The following ETNK1 variants were observed in gnomAD, a reference collection of about 807,000 sequenced individuals.
ETNK1 encodes the protein ethanolamine kinase 1.
Under a neutral mutation model 45.1 loss-of-function variants are expected in ETNK1, and 8 were observed. The ratio of observed to expected loss-of-function variants is 0.18; its 90% confidence interval spans 0.10 to 0.32. The LOEUF (loss-of-function observed/expected upper bound fraction) is 0.32, where lower values mean the gene tolerates loss of function less well. ETNK1 is among the 10% of genes least tolerant of loss of function. The probability of loss-of-function intolerance (pLI) is 1.00; values close to 1 mark genes in which losing one functional copy is unlikely to be tolerated. For missense variants in ETNK1, 302 were observed against 430.6 expected, an observed-to-expected ratio of 0.70 and a Z score of 2.64; for synonymous variants, 152 against 151.9, an observed-to-expected ratio of 1.00 and a Z score of -0.01.
intron 1 of ETNK1, among the ~76,000 whole-genome samples, chr12:22,631,319 C>A (rs1041399767): frequency 6.6e-6 from 1 of 151,766 alleles, no homozygotes; most frequent in African/African-American, 2.4e-5. Flanking sequence ...GGATTACAGG[C>A]GCCTGCCACC....
intron 6 of ETNK1, among the ~76,000 whole-genome samples, chr12:22,683,875 A>G (rs931123642): frequency 1.3e-5 from 2 of 152,142 alleles, no homozygotes; most frequent in Non-Finnish European, 2.9e-5. Flanking sequence ...TTTAACTGAA[A>G]ATAGATTGTA....
intron 2 of ETNK1, among the ~76,000 whole-genome samples, chr12:22,657,816 G>T (rs1953960084): frequency 6.6e-6 from 1 of 152,066 alleles, no homozygotes; most frequent in Non-Finnish European, 1.5e-5. Context: ...TGAACTAAAA[G>T]TAAGAGTGAT....
chr12:22,641,842 A>G (rs972078712), intron 1 of ETNK1, among the ~76,000 whole-genome samples: 1 of 152,142 alleles, frequency 6.6e-6, no homozygotes, highest in Non-Finnish European at 1.5e-5. Flanking sequence ...GTTGTGCAAT[A>G]CAGAAAGTTA....
chr12:22,633,312 A>G (rs1489265612), intron 1 of ETNK1, among the ~76,000 whole-genome samples: 1 of 151,644 alleles, frequency 6.6e-6, no homozygotes, highest in African/African-American at 2.4e-5. Flanking sequence ...CAAGCAATCC[A>G]CCTGCCTTGG....
At chr12:22,631,797 A>C (rs1358691586) in intron 1 of ETNK1, among the ~76,000 whole-genome samples, 2 of 152,166 alleles carry the variant, frequency 1.3e-5, no homozygotes, top group African/African-American at 4.8e-5. Flanking sequence ...AAGTAGTAGA[A>C]GACCTTTAAG....
rs1407639254 is a variant in ETNK1, at chr12:22,625,485, G to A, written c.55G>A (p.Val19Ile). The A allele has an allele frequency of 1.2e-6, 2 of 1,605,296 alleles. No homozygotes were observed. The highest frequency in any genetic ancestry group is 1.1e-5 in the South Asian group (1 of 89,774). The change falls in exon 1 of 8, where the codon GTC (valine) becomes ATC (isoleucine). Residue 19 changes from valine (V) to isoleucine (I), a missense_variant. Coordinates refer to ENST00000266517, the MANE Select transcript of ETNK1 (RefSeq NM_018638.5). Reference protein sequence around the residue: ...PGSPEVPKLNVTVQDQEEHRC... With the variant: ...PGSPEVPKLNITVQDQEEHRC... ...CTCCCCGGAGGTGCCCAAGCTGAAC[G>A]TCACCGTTCAGGATCAGGAGGAGCA... is the stretch of plus-strand genomic sequence containing the variant.
At chr12:22,663,551 A>C (rs1410984924) in intron 4 of ETNK1, among the ~76,000 whole-genome samples, 1 of 150,778 alleles carries the variant, frequency 6.6e-6, no homozygotes, top group Non-Finnish European at 1.5e-5. Context: ...TTTTTTATTT[A>C]AGTGGTCACT....
intron 1 of ETNK1, among the ~76,000 whole-genome samples, chr12:22,643,253 T>A (rs1351476776): frequency 6.6e-6 from 1 of 152,122 alleles, no homozygotes; most frequent in Non-Finnish European, 1.5e-5. Context: ...ATTATATTTG[T>A]ATATTTATTA....
Position 22,673,562 on chromosome 12 carries a change from G to A in ETNK1, c.847G>A (p.Ala283Thr). The change falls in exon 6 of 8, where the codon GCT becomes ACT. Residue 283 changes from alanine to threonine, a missense_variant. Around this residue, in one of 3 missense-constraint regions of ETNK1, gnomAD observed 94 missense variants for 152.9 expected, o/e 0.61. Coordinates refer to ENST00000266517, the MANE Select transcript of ETNK1 (RefSeq NM_018638.5). ...AGAACTACAGAGTCAGTGGCTGCGT[G>A]CTTACCTTGAAGCCTACAAAGAATT... is the stretch of plus-strand genomic sequence containing the variant. ...DRELQSQWLR[A>T]YLEAYKEFKG... The A allele has an allele frequency of 6.2e-7, 1 of 1,613,850 alleles. No individual in the cohort carries two copies. The highest frequency in any genetic ancestry group is 8.5e-7 in the Non-Finnish European group (1 of 1,179,846).
At chr12:22,653,447 G>A (rs1953902336) in intron 2 of ETNK1, among the ~76,000 whole-genome samples, 1 of 152,014 alleles carries the variant, frequency 6.6e-6, no homozygotes, top group Non-Finnish European at 1.5e-5. Flanking sequence ...CACTTTTGGT[G>A]GTATTGACAT....
At chr12:22,641,795 C>T (rs997687749) in intron 1 of ETNK1, among the ~76,000 whole-genome samples, 1 of 152,040 alleles carries the variant, frequency 6.6e-6, no homozygotes, top group Admixed American at 6.6e-5. Flanking sequence ...ATTCACATAT[C>T]TTTTTATTCT....
At chr12:22,650,294 G>A (rs530110156) in intron 2 of ETNK1, among the ~76,000 whole-genome samples, 5 of 150,238 alleles carry the variant, frequency 3.3e-5, no homozygotes, top group Non-Finnish European at 7.4e-5. Context: ...TAATGTGTTA[G>A]CTAGGACTTT....
At chr12:22,662,969 A>AT in intron 4 of ETNK1, among the ~76,000 whole-genome samples, 1 of 152,152 alleles carries the variant, frequency 6.6e-6, no homozygotes, top group Non-Finnish European at 1.5e-5. Context: ...ATATTTGAGA[A>AT]TTTTTTGTTT....
intron 6 of ETNK1, among the ~76,000 whole-genome samples, chr12:22,679,722 A>G (rs970150846): frequency 8.0e-6 from 1 of 125,512 alleles, no homozygotes; most frequent in Non-Finnish European, 1.6e-5. Context: ...TTTTTTTGAT[A>G]TGGAGTCTCA....
At position 22,640,411 on chromosome 12, in the gene ETNK1, T is replaced by C. The variant is rs1287508983; in HGVS notation, c.157-3352T>C. On this transcript the variant is annotated intron_variant, in intron 1 of 7. Coordinates refer to ENST00000266517, the MANE Select transcript of ETNK1 (RefSeq NM_018638.5). ...AATTGAAAGCCTTTTTTTTTTTTTT[T>C]TTAAGATGTGAAAGAGAATTTGCCC... Among the ~76,000 whole-genome samples, 10 of 152,010 alleles carry C rather than the reference T, an allele frequency of 6.6e-5. No homozygotes were observed. The East Asian group carries it at 1.9e-3, about 29-fold the overall frequency.
rs1440273890 is a variant in ETNK1, at chr12:22,630,167, CTA to C, written c.156+4584_156+4585del. Among the ~76,000 whole-genome samples, 3 of 152,136 alleles carry C rather than the reference CTA, an allele frequency of 2.0e-5. No homozygotes were observed. The East Asian group carries it at 5.8e-4, about 29-fold the overall frequency. Reference sequence around the variant, plus strand: ...TAACCTTTGGCAAGTTTTAAAGTCTCTATAAAATGGTATTACCTTGGAAAGTA... The same window carrying C: ...TAACCTTTGGCAAGTTTTAAAGTCTCTAAAATGGTATTACCTTGGAAAGTA... On this transcript the variant is annotated intron_variant, in intron 1 of 7. Coordinates refer to ENST00000266517, the MANE Select transcript of ETNK1 (RefSeq NM_018638.5).
rs532003563 is a variant in ETNK1 at position 22,643,449 on chromosome 12, G to A, written c.157-314G>A. Among the ~76,000 whole-genome samples the A allele has an allele frequency of 4.6e-5, 7 of 152,134 alleles. No homozygotes were observed. The South Asian group carries it at 1.4e-3, about 31-fold the overall frequency. On this transcript the variant is annotated intron_variant, in intron 1 of 7. Coordinates refer to ENST00000266517, the MANE Select transcript of ETNK1 (RefSeq NM_018638.5). ...TGTGCAAAGATTGTGATACAAGGCAGACTGTGAGAAATGGCAGGTATCAAG... is the reference window on the plus strand; with the variant it reads ...TGTGCAAAGATTGTGATACAAGGCAAACTGTGAGAAATGGCAGGTATCAAG...
chr12:22,679,099 G>A (rs1462232864), intron 6 of ETNK1, among the ~76,000 whole-genome samples: 2 of 152,154 alleles, frequency 1.3e-5, no homozygotes, highest in African/African-American at 4.8e-5. Flanking sequence ...GGGAGAATTG[G>A]CTCACCTGAT....
rs1368276768 is a variant in ETNK1 at position 22,625,194 on chromosome 12, G to A, written c.-237G>A. ...CTGCGGCCGCCCGCGGTCCAGCTCCGACAACAGGAATTTTCTCCGAGAGCG... is the reference window on the plus strand; with the variant it reads ...CTGCGGCCGCCCGCGGTCCAGCTCCAACAACAGGAATTTTCTCCGAGAGCG... On this transcript the variant is annotated 5_prime_UTR_variant, in exon 1 of 8. Coordinates refer to ENST00000266517, the MANE Select transcript of ETNK1 (RefSeq NM_018638.5). The A allele has an allele frequency of 6.2e-7, 1 of 1,608,704 alleles. No individual in the cohort carries two copies. Among genetic ancestry groups the A allele is most frequent in the East Asian group, 2.2e-5 (1 of 44,760 alleles).
Sources: allele counts gnomAD v4.1 joint callset (sites outside exome capture counted in the v4.1 genomes callset), GRCh38; gene constraint gnomAD v4.1.1; regional missense constraint gnomAD v4.1.1; transcripts MANE v1.5; gene names NCBI Gene and HGNC (gene_info 2026-07-23, HGNC 2026-07-21).